NECTIN1: variants seen among roughly 807,000 people sequenced by gnomAD.
NECTIN1 encodes the protein nectin cell adhesion molecule 1, also known as nectin-1.
NECTIN1 carries 23 observed loss-of-function variants against 48.0 expected under a neutral mutation model. The observed-to-expected ratio is 0.48, with a 90% CI of 0.34 to 0.68. The LOEUF is 0.68. Among genes scored for constraint, NECTIN1 ranks in the 30% least tolerant of loss-of-function variants. NECTIN1 has a pLI of 0.01. For missense variants in NECTIN1, 591 were observed against 709.9 expected (o/e 0.83, Z 1.90); for synonymous variants, 270 against 288.9 (o/e 0.93, Z 0.66).
intron 5 of NECTIN1, among the ~76,000 whole-genome samples, chr11:119,644,103 G>T (rs573047394): frequency 2.0e-5 from 3 of 152,210 alleles, no homozygotes; most frequent in African/African-American, 7.2e-5. Context: ...GGCTCACGCC[G>T]CAAGGATGGC....
downstream of NECTIN1, among the ~76,000 whole-genome samples, chr11:119,659,687 C>T (rs917053062): frequency 5.3e-5 from 8 of 152,148 alleles, no homozygotes; most frequent in Admixed American, 2.0e-4. Context: ...CTTCTCCAGC[C>T]CAAAGCTCTG....
At chr11:119,643,601 G>T (rs1315319250) in intron 5 of NECTIN1, among the ~76,000 whole-genome samples, 1 of 152,156 alleles carries the variant, frequency 6.6e-6, no homozygotes, top group Non-Finnish European at 1.5e-5. Context: ...CCCTGAATAG[G>T]GGGGCCCTGG....
chr11:119,720,036 G>A (rs143938323), intron 1 of NECTIN1, among the ~76,000 whole-genome samples: 157 of 152,318 alleles, frequency 1.0e-3, no homozygotes, highest in African/African-American at 3.6e-3. Flanking sequence ...GTGCGGGGGA[G>A]GGCAGTGGGG....
At chr11:119,704,617 T>G (rs961675725) in intron 1 of NECTIN1, among the ~76,000 whole-genome samples, 2 of 151,956 alleles carry the variant, frequency 1.3e-5, no homozygotes, top group Non-Finnish European at 2.9e-5. Flanking sequence ...TAGGAAGAGG[T>G]CCACTGGGTG....
chr11:119,728,527 G>T lies in NECTIN1; in HGVS notation c.27C>A (p.Ala9=), dbSNP rs2134353156. The change falls in exon 1 of 6, where the codon GCC becomes GCA. Residue 9 remains alanine (A), a synonymous_variant. Transcript: ENST00000264025. MARMGLAG[A]AGRWWGLALG... is the part of the protein sequence containing the mutation. Reference sequence around the variant, plus strand: ...GAGCGAGTCCCCACCAGCGTCCAGCGGCGCCCGCAAGCCCCATCCGAGCCA... The same window carrying T: ...GAGCGAGTCCCCACCAGCGTCCAGCTGCGCCCGCAAGCCCCATCCGAGCCA... 1.0e-5 allele frequency: 16 copies of T among 1,596,534 alleles called. No homozygotes were observed. The highest frequency in any genetic ancestry group is 1.4e-5 in the Non-Finnish European group (16 of 1,172,274).
At chr11:119,703,099 C>A (rs1265157930) in intron 1 of NECTIN1, among the ~76,000 whole-genome samples, 1 of 152,242 alleles carries the variant, frequency 6.6e-6, no homozygotes, top group Non-Finnish European at 1.5e-5. Context: ...TGATGCCCAG[C>A]ACTTCCCAGG....
downstream of NECTIN1, among the ~76,000 whole-genome samples, chr11:119,659,966 C>T (rs1028123376): frequency 6.6e-6 from 1 of 152,224 alleles, no homozygotes; most frequent in Non-Finnish European, 1.5e-5. Context: ...AACACAGCCC[C>T]TTCTAGGATG....
rs559118569 is a variant in NECTIN1 at position 119,672,876 on chromosome 11, C to A, written c.1003+2283G>T. 6.6e-6 allele frequency among the ~76,000 whole-genome samples: 1 copy of A among 152,350 alleles called. No homozygotes were observed. The highest frequency in any genetic ancestry group is 2.1e-4 in the South Asian group (1 of 4,824). On this transcript the variant is annotated intron_variant, in intron 5 of 5. Coordinates refer to ENST00000264025, the MANE Select transcript of NECTIN1 (RefSeq NM_002855.5). The surrounding 1 kb of genome is among the most constrained non-coding windows in gnomAD (Gnocchi z 4.3). ...AAGAAGCCATGCCAAAGCGAGTCTGCGCAGGTGTGCAGTGGCCCAGCACAC... is the reference window on the plus strand; with the variant it reads ...AAGAAGCCATGCCAAAGCGAGTCTGAGCAGGTGTGCAGTGGCCCAGCACAC...
chr11:119,677,971 C>T lies in NECTIN1; in HGVS notation c.431-114G>A. The stretch of plus-strand genomic sequence containing the variant: ...TGTCTTCAGGTCCCCTTGGCCATCC[C>T]TGCCTCTCAGCTGTGCTGCACCAAA... On this transcript the variant is annotated intron_variant, in intron 2 of 5. Coordinates refer to ENST00000264025, the MANE Select transcript of NECTIN1 (RefSeq NM_002855.5). The surrounding 1 kb of genome is among the most constrained non-coding windows in gnomAD (Gnocchi z 5.4). The T allele has an allele frequency of 9.4e-7, 1 of 1,058,750 alleles. No homozygotes were observed. The allele number at this position is 1,058,750 out of a possible 1,614,324, so 65.6% of individuals were successfully genotyped here.
intron 1 of NECTIN1, among the ~76,000 whole-genome samples, chr11:119,717,344 G>A (rs926236121): frequency 3.9e-5 from 6 of 152,208 alleles, no homozygotes; most frequent in African/African-American, 1.2e-4. Context: ...GTGCTCTGCC[G>A]GCCCAGGACA....
At chr11:119,728,236 C>A (rs915377988) in intron 1 of NECTIN1, among the ~76,000 whole-genome samples, 1 of 152,226 alleles carries the variant, frequency 6.6e-6, no homozygotes, top group Non-Finnish European at 1.5e-5. Flanking sequence ...AAGAACTGAG[C>A]GGAGAAAGTG....
At chr11:119,666,498 G>A (rs1864773285) in intron 5 of NECTIN1, among the ~76,000 whole-genome samples, 3 of 152,234 alleles carry the variant, frequency 2.0e-5, no homozygotes, top group Admixed American at 6.5e-5. Flanking sequence ...GCTGAAACCA[G>A]GGCCATGCCA....
At chr11:119,706,744 C>T (rs1302806078) in intron 1 of NECTIN1, among the ~76,000 whole-genome samples, 1 of 152,232 alleles carries the variant, frequency 6.6e-6, no homozygotes, top group East Asian at 1.9e-4. Flanking sequence ...CCTTCCTTGT[C>T]ACCTTGTCCT....
At chr11:119,686,639 T>C (rs1865161225) in intron 1 of NECTIN1, among the ~76,000 whole-genome samples, 1 of 152,178 alleles carries the variant, frequency 6.6e-6, no homozygotes, top group South Asian at 2.1e-4. Context: ...CTCTCTTCCT[T>C]GCCACACTTA....
At chr11:119,721,002 C>T (rs1865819523) in intron 1 of NECTIN1, among the ~76,000 whole-genome samples, 1 of 152,124 alleles carries the variant, frequency 6.6e-6, no homozygotes, top group Non-Finnish European at 1.5e-5. Context: ...CCCCAACTCC[C>T]TACATTTGCT....
intron 1 of NECTIN1, among the ~76,000 whole-genome samples, chr11:119,719,965 T>A (rs1000762470): frequency 4.0e-5 from 6 of 148,624 alleles, no homozygotes; most frequent in African/African-American, 1.5e-4. Context: ...TAAGCGGGAA[T>A]GGGGGAACAG....
At chr11:119,674,785 C>G (rs1864919976) in intron 5 of NECTIN1, 2 of 1,476,542 alleles carry the variant, frequency 1.4e-6, no homozygotes, top group Middle Eastern at 2.0e-4. Context: ...AGGTGCAGAG[C>G]TTGGAGGAGA....
chr11:119,695,126 G>A (rs900433321), intron 1 of NECTIN1, among the ~76,000 whole-genome samples: 1 of 152,164 alleles, frequency 6.6e-6, no homozygotes, highest in Non-Finnish European at 1.5e-5. Context: ...CTGAGGCTCA[G>A]GCTCGGGAAG....
At chr11:119,649,110 G>A (rs375131587) in intron 5 of NECTIN1, among the ~76,000 whole-genome samples, 1 of 152,238 alleles carries the variant, frequency 6.6e-6, no homozygotes, top group Non-Finnish European at 1.5e-5. Context: ...GCCGGGCACG[G>A]TGGCTCATGC....
Sources: gnomAD v4.1 joint callset for allele counts (sites outside exome capture counted in the v4.1 genomes callset) on GRCh38, gnomAD v4.1.1 for gene constraint, Gnocchi (gnomAD v3.1) non-coding constraint, MANE v1.5 for transcripts, NCBI Gene and HGNC (gene_info 2026-07-23, HGNC 2026-07-21) for gene names.